SSH1: variants seen among roughly 807,000 people sequenced by gnomAD.
The protein encoded by SSH1 is protein phosphatase Slingshot homolog 1.
A neutral mutation model predicts 79.7 loss-of-function variants in SSH1; 43 were observed. That is an observed-to-expected ratio of 0.54 (90% CI 0.42 to 0.70). The LOEUF (loss-of-function observed/expected upper bound fraction) is 0.70, where lower values mean the gene tolerates loss of function less well. SSH1 is among the 30% of genes least tolerant of loss of function. The pLI is 0.00. For missense variants in SSH1, 1,206 were observed against 1,358.8 expected (o/e 0.89, Z 1.77); for synonymous variants, 599 against 538.3 (o/e 1.11, Z -1.56).
At chr12:108,814,352 T>G (rs2037784037) in intron 5 of SSH1, among the ~76,000 whole-genome samples, 2 of 151,694 alleles carry the variant, frequency 1.3e-5, no homozygotes, top group Admixed American at 1.3e-4. Context: ...TCTCTTCCTT[T>G]TTTTTTTTGG....
chr12:108,821,220 C>T (rs1474996577), intron 3 of SSH1, among the ~76,000 whole-genome samples: 2 of 147,994 alleles, frequency 1.4e-5, no homozygotes, highest in African/African-American at 4.9e-5. Flanking sequence ...CTCATCTACA[C>T]ACACACACAC....
intron 13 of SSH1, among the ~76,000 whole-genome samples, chr12:108,795,159 C>A (rs1379035574): frequency 6.6e-6 from 1 of 152,166 alleles, no homozygotes; most frequent in Non-Finnish European, 1.5e-5. Context: ...GGCAAATAAA[C>A]CTCCTAAAAT....
intron 5 of SSH1, among the ~76,000 whole-genome samples, chr12:108,815,040 C>T (rs2037821949): frequency 6.6e-6 from 1 of 152,220 alleles, no homozygotes. Flanking sequence ...GCGCCCGGCA[C>T]AGGGAAAGAG....
chr12:108,788,573 G>C lies in SSH1; in HGVS notation c.2565C>G (p.Ile855Met). The change falls in exon 15 of 15, where the codon ATC becomes ATG. Residue 855 changes from isoleucine to methionine, a missense_variant. Around this residue, in one of 5 missense-constraint regions of SSH1, gnomAD observed 709 missense variants for 730.6 expected, o/e 0.97. Coordinates refer to ENST00000326495, the MANE Select transcript of SSH1 (RefSeq NM_018984.4). The part of the protein sequence containing the change: ...DGPASRLEAS[I>M]PEESQDPAAL... ...CGGCTGGATCCTGGCTCTCCTCGGG[G>C]ATGCTGGCCTCCAGCCTGCTGGCAG... 2 of 1,599,312 alleles carry C rather than the reference G, an allele frequency of 1.3e-6. No homozygotes were observed. The highest frequency in any genetic ancestry group is 1.7e-6 in the Non-Finnish European group (2 of 1,170,920).
chr12:108,821,497 A>AT (rs1412642250), intron 3 of SSH1, among the ~76,000 whole-genome samples: 1 of 152,152 alleles, frequency 6.6e-6, no homozygotes, highest in Non-Finnish European at 1.5e-5. Context: ...TTACCCATAT[A>AT]TATATACAGC....
intron 2 of SSH1, among the ~76,000 whole-genome samples, chr12:108,838,818 G>A (rs1290085481): frequency 6.6e-6 from 1 of 152,224 alleles, no homozygotes; most frequent in Admixed American, 6.5e-5. Context: ...AGAATCAAGA[G>A]ATTGGTCTTG....
rs752055113 is a variant in SSH1 at position 108,799,231 on chromosome 12, G to C, written c.1149-31C>G. 61 of 1,579,614 alleles carry C rather than the reference G, an allele frequency of 3.9e-5. No homozygotes were observed. The South Asian group carries it at 5.8e-4, about 15-fold the overall frequency. On this transcript the variant is annotated intron_variant, in intron 12 of 14. Coordinates refer to ENST00000326495, the MANE Select transcript of SSH1 (RefSeq NM_018984.4). ...GGGGTGGGAGCAGTTGGGGAGGAGA[G>C]ATGGGGGAGAAGCAGTGGGGAAGGA...
At position 108,799,210 on chromosome 12, in the gene SSH1, T is replaced by C; in HGVS notation, c.1149-10A>G. 6.2e-7 allele frequency: 1 copy of C among 1,605,710 alleles called. No homozygotes were observed. Among genetic ancestry groups the C allele is most frequent in the Non-Finnish European group, 8.5e-7 (1 of 1,174,886 alleles). On this transcript the variant is annotated splice_polypyrimidine_tract_variant and intron_variant, in intron 12 of 14. Transcript: ENST00000326495. ...CTTGGAATGGTTCCTCCTGCAGGGGTGGGAGCAGTTGGGGAGGAGAGATGG... is the reference window on the plus strand; with the variant it reads ...CTTGGAATGGTTCCTCCTGCAGGGGCGGGAGCAGTTGGGGAGGAGAGATGG...
rs1211390609 is a variant in SSH1, at chr12:108,787,623, G to A, written c.*365C>T. 1.1e-5 allele frequency: 3 copies of A among 282,554 alleles called. No homozygotes were observed. Among genetic ancestry groups the A allele is most frequent in the Non-Finnish European group, 2.1e-5 (3 of 146,286 alleles). The allele number at this position is 282,554 out of a possible 1,614,324, so 17.5% of individuals were successfully genotyped here. Reference sequence around the variant, plus strand: ...AGAATGAGCTAGAACGTGTGCCGCGGTGAGGCTGCCACCACCAGGACTCTT... The same window carrying A: ...AGAATGAGCTAGAACGTGTGCCGCGATGAGGCTGCCACCACCAGGACTCTT... On this transcript the variant is annotated 3_prime_UTR_variant, in exon 15 of 15. Transcript: ENST00000326495.
At chr12:108,809,282 T>A (rs2037450834) in intron 7 of SSH1, among the ~76,000 whole-genome samples, 1 of 150,570 alleles carries the variant, frequency 6.6e-6, no homozygotes, top group African/African-American at 2.4e-5. Flanking sequence ...TGAGACCCCA[T>A]CTCTACAAAA....
intron 11 of SSH1, among the ~76,000 whole-genome samples, chr12:108,801,603 G>T (rs1223038696): frequency 6.6e-6 from 1 of 152,156 alleles, no homozygotes; most frequent in African/African-American, 2.4e-5. Context: ...ACTTTCTGTT[G>T]AAAGAATGCA....
chr12:108,839,612 C>T (rs1190169556), intron 2 of SSH1, among the ~76,000 whole-genome samples: 1 of 152,124 alleles, frequency 6.6e-6, no homozygotes, highest in Non-Finnish European at 1.5e-5. Flanking sequence ...CATTTCCTAA[C>T]ACAGGACCTT....
chr12:108,808,574 C>A (rs1004670529), intron 7 of SSH1, among the ~76,000 whole-genome samples: 5 of 152,156 alleles, frequency 3.3e-5, no homozygotes, highest in African/African-American at 4.8e-5. Flanking sequence ...ACCTAAGACC[C>A]ACAATTAAGC....
intron 2 of SSH1, among the ~76,000 whole-genome samples, chr12:108,826,972 C>A (rs1264615923): frequency 2.0e-5 from 3 of 151,546 alleles, no homozygotes; most frequent in Admixed American, 6.6e-5. Flanking sequence ...ATGTCTTCCT[C>A]CACCGCTGTA....
At chr12:108,808,217 C>T (rs942625890) in intron 7 of SSH1, among the ~76,000 whole-genome samples, 6 of 152,182 alleles carry the variant, frequency 3.9e-5, no homozygotes, top group African/African-American at 7.2e-5. Context: ...GGATTATAGG[C>T]GTGAGCCACC....
chr12:108,833,152 GCTT>G (rs2038514935), intron 2 of SSH1, among the ~76,000 whole-genome samples: 2 of 151,488 alleles, frequency 1.3e-5, no homozygotes, highest in Admixed American at 1.3e-4. Flanking sequence ...GCAAAAGCAA[GCTT>G]TTTTTTTTTT....
chr12:108,792,530 A>C lies in SSH1; in HGVS notation c.1649T>G (p.Val550Gly). 6.2e-7 allele frequency: 1 copy of C among 1,613,992 alleles called. No homozygotes were observed. Among genetic ancestry groups the C allele is most frequent in the Non-Finnish European group, 8.5e-7 (1 of 1,179,984 alleles). ...LLEEAAPPAEVHRPARQPQQG... is the reference protein window; with the variant it reads ...LLEEAAPPAEGHRPARQPQQG... ...CTGGGGCTGTCTGGCCGGCCTGTGC[A>C]CCTCTGCAGGTGGAGCAGCTTCCTC... Residue 550 changes from valine to glycine, a missense_variant, in exon 14 of 15, where the codon GTG (valine) becomes GGG (glycine). Transcript: ENST00000326495.
Position 108,800,629 on chromosome 12 carries a change from T to TCCGCTC in SSH1, c.1148+150_1148+151insGAGCGG, listed in dbSNP as rs1327109367. On this transcript the variant is annotated intron_variant, in intron 12 of 14. Transcript: ENST00000326495. ...AAGCAAAGGTCCATCCCACATCAAG[T>TCCGCTC]CCACTCCCACCAGCCAACTCCTGCG... 1.2e-4 allele frequency: 105 copies of TCCGCTC among 867,920 alleles called. 1 individual carries two copies. Among genetic ancestry groups the TCCGCTC allele is most frequent in the African/African-American group, 7.3e-4 (43 of 58,928 alleles). 53.8% of individuals were successfully genotyped at this position (867,920 alleles called of 1,614,324 possible).
At chr12:108,836,987 T>G in intron 2 of SSH1, 1 of 507,206 alleles carries the variant, frequency 2.0e-6, no homozygotes, top group Non-Finnish European at 4.0e-6. Context: ...TCCCAGCATT[T>G]TGGGAGGCTG....
Sources: gnomAD v4.1 joint callset for allele counts (sites outside exome capture counted in the v4.1 genomes callset) on GRCh38, gnomAD v4.1.1 for gene constraint, gnomAD v4.1.1 regional missense constraint, MANE v1.5 for transcripts, NCBI Gene and HGNC (gene_info 2026-07-23, HGNC 2026-07-21) for gene names.